Variants in PTPRG observed in about 807,000 individuals in gnomAD.
PTPRG encodes the protein protein tyrosine phosphatase receptor type G.
In PTPRG, 102 loss-of-function variants were observed where a neutral mutation model predicts 165.3. That is an observed-to-expected ratio of 0.62 (90% CI 0.53 to 0.73). The LOEUF is 0.73. Among genes scored for constraint, PTPRG ranks in the 30% least tolerant of loss-of-function variants. The pLI, the probability that PTPRG is intolerant of heterozygous loss-of-function variation, is 0.00. For synonymous variants in PTPRG, 675 were observed against 669.5 expected, an observed-to-expected ratio of 1.01 and a Z score of -0.13; for missense variants, 1,866 against 1,861.4, an observed-to-expected ratio of 1.00 and a Z score of -0.05.
intron 4 of PTPRG, among the ~76,000 whole-genome samples, chr3:62,017,620 T>G (rs1384036917): frequency 6.7e-6 from 1 of 149,412 alleles, no homozygotes; most frequent in African/African-American, 2.5e-5. Context: ...GAGACGGGGT[T>G]TCACCGTGTT....
At chr3:61,965,040 C>G (rs939426264) in intron 2 of PTPRG, among the ~76,000 whole-genome samples, 1 of 152,080 alleles carries the variant, frequency 6.6e-6, no homozygotes, top group Admixed American at 6.6e-5. Flanking sequence ...GTCAGGAGTC[C>G]GAGACCAGCC....
At chr3:61,619,802 G>GGT (rs1197732557) in intron 1 of PTPRG, among the ~76,000 whole-genome samples, 1 of 152,154 alleles carries the variant, frequency 6.6e-6, no homozygotes, top group Non-Finnish European at 1.5e-5. Context: ...CAACAGACCT[G>GGT]GTAGTGGATT....
chr3:61,922,978 C>T (rs977241294), intron 2 of PTPRG, among the ~76,000 whole-genome samples: 1 of 152,196 alleles, frequency 6.6e-6, no homozygotes, highest in Non-Finnish European at 1.5e-5. Flanking sequence ...CTATCCTGCT[C>T]TATTCCCTTA....
chr3:61,743,459 A>G (rs2033081326), intron 1 of PTPRG, among the ~76,000 whole-genome samples: 1 of 152,120 alleles, frequency 6.6e-6, no homozygotes, highest in Non-Finnish European at 1.5e-5. Flanking sequence ...TATTCAGACT[A>G]CTTAAATGTG....
intron 1 of PTPRG, among the ~76,000 whole-genome samples, chr3:61,738,219 G>A (rs528892727): frequency 1.5e-3 from 211 of 144,586 alleles, no homozygotes; most frequent in Non-Finnish European, 2.4e-3. Flanking sequence ...TTTAAAATGG[G>A]TACCCAACCA....
chr3:61,567,698 G>A (rs1036145150), intron 1 of PTPRG, among the ~76,000 whole-genome samples: 10 of 142,972 alleles, frequency 7.0e-5, no homozygotes, highest in African/African-American at 2.6e-4. Flanking sequence ...AAGATCAAAT[G>A]TAGGCTGGGC....
At chr3:62,069,672 T>A (rs866926885) in intron 4 of PTPRG, among the ~76,000 whole-genome samples, 1,780 of 26,532 alleles carry the variant, frequency 0.067, 55 homozygotes, top group African/African-American at 0.13. Flanking sequence ...TCTCTCTCTC[T>A]CTCTCTCTCT....
chr3:62,065,361 A>G (rs1204412539), intron 4 of PTPRG, among the ~76,000 whole-genome samples: 1 of 152,124 alleles, frequency 6.6e-6, no homozygotes, highest in Non-Finnish European at 1.5e-5. Context: ...AGGGCTGAAA[A>G]TGGGTCTTTC....
intron 4 of PTPRG, among the ~76,000 whole-genome samples, chr3:62,024,917 A>G (rs1431783757): frequency 1.3e-5 from 2 of 152,172 alleles, no homozygotes; most frequent in African/African-American, 2.4e-5. Flanking sequence ...TATTTACCAC[A>G]TTTTCAGTAA....
intron 10 of PTPRG, among the ~76,000 whole-genome samples, chr3:62,199,427 C>G (rs1167095422): frequency 1.3e-5 from 2 of 151,602 alleles, no homozygotes; most frequent in Non-Finnish European, 2.9e-5. Context: ...ATGTGGCCAC[C>G]TAAAGGGGGT....
intron 1 of PTPRG, among the ~76,000 whole-genome samples, chr3:61,712,419 C>A (rs1257734626): frequency 6.6e-6 from 1 of 151,924 alleles, no homozygotes; most frequent in South Asian, 2.1e-4. Context: ...TTGTTTGGCT[C>A]TGTATCTCCA....
At chr3:62,084,186 C>T (rs1433693276) in intron 5 of PTPRG, among the ~76,000 whole-genome samples, 1 of 152,120 alleles carries the variant, frequency 6.6e-6, no homozygotes, top group African/African-American at 2.4e-5. Context: ...TGTCTGTATC[C>T]AGAGATCTAG....
At chr3:61,910,501 C>T (rs956273487) in intron 2 of PTPRG, among the ~76,000 whole-genome samples, 1 of 152,140 alleles carries the variant, frequency 6.6e-6, no homozygotes, top group Non-Finnish European at 1.5e-5. Flanking sequence ...CATTTTACAC[C>T]TTTAACCACT....
chr3:62,008,624 G>A lies in PTPRG; in HGVS notation c.519+5127G>A, dbSNP rs182575671. The stretch of plus-strand genomic sequence containing the variant: ...TCTTAGAAAGTTATTATAGCCCAGC[G>A]GTCCCCAACCTTTTCGACACCAGGG... On this transcript the variant is annotated intron_variant, in intron 4 of 29. Coordinates refer to ENST00000474889, the MANE Select transcript of PTPRG (RefSeq NM_002841.4). Among the ~76,000 whole-genome samples the A allele has an allele frequency of 1.4e-3, 215 of 152,236 alleles. 1 individual carries two copies. The highest frequency in any genetic ancestry group is 2.4e-3 in the Non-Finnish European group (166 of 68,024).
chr3:61,845,315 C>G (rs1215787459), intron 2 of PTPRG, among the ~76,000 whole-genome samples: 2 of 152,144 alleles, frequency 1.3e-5, no homozygotes, highest in Non-Finnish European at 2.9e-5. Flanking sequence ...TGAAATTTAA[C>G]AAATAATTTT....
chr3:61,630,264 T>C (rs769406716), intron 1 of PTPRG, among the ~76,000 whole-genome samples: 2 of 152,264 alleles, frequency 1.3e-5, no homozygotes, highest in Non-Finnish European at 2.9e-5. Context: ...AGTATTCATT[T>C]AGTTAAAGGT....
chr3:61,886,764 T>C (rs2038048749), intron 2 of PTPRG, among the ~76,000 whole-genome samples: 1 of 152,194 alleles, frequency 6.6e-6, no homozygotes, highest in African/African-American at 2.4e-5. Context: ...CTTTCCAAAT[T>C]TGTGTTTTAT....
At chr3:61,614,270 T>G (rs191485210) in intron 1 of PTPRG, among the ~76,000 whole-genome samples, 1 of 152,240 alleles carries the variant, frequency 6.6e-6, no homozygotes, top group Admixed American at 6.5e-5. Context: ...AGTAATTAAG[T>G]ATAGTCTCTG....
intron 2 of PTPRG, among the ~76,000 whole-genome samples, chr3:61,967,653 C>G (rs950092253): frequency 6.6e-6 from 1 of 152,164 alleles, no homozygotes; most frequent in Non-Finnish European, 1.5e-5. Flanking sequence ...AAATGAGTGA[C>G]ATTCTTCCAA....
Sources: gnomAD v4.1 joint callset for allele counts (sites outside exome capture counted in the v4.1 genomes callset) on GRCh38, gnomAD v4.1.1 for gene constraint, MANE v1.5 for transcripts, NCBI Gene and HGNC (gene_info 2026-07-23, HGNC 2026-07-21) for gene names.